CXXC1: variants seen among roughly 807,000 people sequenced by gnomAD.
CXXC1 encodes CXXC finger protein 1, also known as CXXC-type zinc finger protein 1.
In CXXC1, 21 loss-of-function variants were observed where a neutral mutation model predicts 83.6. The observed-to-expected ratio is 0.25, with a 90% CI of 0.18 to 0.36. CXXC1 has a LOEUF of 0.36. Among genes scored for constraint, CXXC1 ranks in the 10% least tolerant of loss-of-function variants. CXXC1 has a pLI of 1.00. For synonymous variants in CXXC1, 371 were observed against 337.5 expected (o/e 1.10, Z -1.09); for missense variants, 688 against 919.5 (o/e 0.75, Z 3.26).
chr18:50,286,528 A>T lies in CXXC1; in HGVS notation c.223+11T>A, dbSNP rs2040717876. Reference sequence around the variant, plus strand: ...CCCCACCTGCCTTCCCTGTCCATCCATGGCCCTCACCTCTGCACTCCCGAC... The same window carrying T: ...CCCCACCTGCCTTCCCTGTCCATCCTTGGCCCTCACCTCTGCACTCCCGAC... On this transcript the variant is annotated intron_variant, in intron 3 of 14. Coordinates refer to ENST00000285106, the MANE Select transcript of CXXC1 (RefSeq NM_014593.4). 1 of 1,611,036 alleles carries T rather than the reference A, an allele frequency of 6.2e-7. No individual in the cohort carries two copies. The highest frequency in any genetic ancestry group is 8.5e-7 in the Non-Finnish European group (1 of 1,177,924).
rs1163062337 is a variant in CXXC1, at chr18:50,284,654, C to T, written c.1020+78G>A. 4 of 1,608,864 alleles carry T rather than the reference C, an allele frequency of 2.5e-6. No homozygotes were observed. The Admixed American group carries it at 6.7e-5, about 27-fold the overall frequency. On this transcript the variant is annotated intron_variant, in intron 8 of 14. Transcript: ENST00000285106. Reference sequence around the variant, plus strand: ...CATTCTAGCCCTTTCTGGCTCTTGCCCCATTCAGCCTCTGACCTCTGCCTC... The same window carrying T: ...CATTCTAGCCCTTTCTGGCTCTTGCTCCATTCAGCCTCTGACCTCTGCCTC...
chr18:50,286,035 G>T lies in CXXC1; in HGVS notation c.446C>A (p.Ala149Asp), dbSNP rs372585515. ...PHKSSPQPLV[A>D]TPSQHHQQQQ... Reference sequence around the variant, plus strand: ...GCAGCCACTCACCTGGCTGGGTGTGGCCACCAAGGGCTGCGGAGAGGATTT... The same window carrying T: ...GCAGCCACTCACCTGGCTGGGTGTGTCCACCAAGGGCTGCGGAGAGGATTT... The change falls in exon 4 of 15, where the codon GCC (alanine) becomes GAC (aspartate). Residue 149 changes from alanine to aspartate, a missense_variant. Transcript: ENST00000285106. 5 of 1,613,590 alleles carry T rather than the reference G, an allele frequency of 3.1e-6. No homozygotes were observed. The African/African-American group carries it at 5.3e-5, about 17-fold the overall frequency.
Position 50,285,750 on chromosome 18 carries a change from C to T in CXXC1, c.638G>A (p.Arg213Gln), listed in dbSNP as rs756163419. 1.9e-6 allele frequency: 3 copies of T among 1,611,976 alleles called. No homozygotes were observed. The highest frequency in any genetic ancestry group is 1.3e-5 in the African/African-American group (1 of 74,952). The change falls in exon 5 of 15, where the codon CGG (arginine) becomes CAG (glutamine). Residue 213 changes from arginine (R) to glutamine (Q), a missense_variant and splice_region_variant. By Grantham distance (43) the Arg-to-Gln change is conservative. Transcript: ENST00000285106. The surrounding 1 kb of genome is among the most constrained non-coding windows in gnomAD (Gnocchi z 4.4). ...CRLRQCQLRA[R>Q]ESYKYFPSSL... ...CTACCCAGCTCTGTCCATGCTCACCCGGGCCCGCAGCTGGCACTGGCGCAG... is the reference window on the plus strand; with the variant it reads ...CTACCCAGCTCTGTCCATGCTCACCTGGGCCCGCAGCTGGCACTGGCGCAG...
rs1217489218 is a variant in CXXC1, at chr18:50,284,418, T to G, written c.1165A>C (p.Lys389Gln). The change falls in exon 9 of 15, where the codon AAG becomes CAG. Residue 389 changes from lysine to glutamine, a missense_variant. Physicochemically the swap from Lys to Gln is moderately conservative, Grantham distance 53. Around this residue, in one of 9 missense-constraint regions of CXXC1, gnomAD observed 100 missense variants for 142.5 expected, o/e 0.70. Transcript: ENST00000285106. The part of the protein sequence containing the change: ...GCVRPAQPSS[K>Q]YCSDDCGMKL... ...ATGCCACAGTCATCTGAGCAATACT[T>G]GGAGCTGGGCTGGGCGGGGCGCACA... 1.3e-6 allele frequency: 2 copies of G among 1,575,616 alleles called. No homozygotes were observed. The highest frequency in any genetic ancestry group is 1.7e-6 in the Non-Finnish European group (2 of 1,163,848).
In CXXC1 at chr18:50,282,666, A is replaced by G. The variant is rs1353765819; in HGVS notation, c.1898T>C (p.Leu633Pro). The change falls in exon 15 of 15, where the codon CTG (leucine) becomes CCG (proline). Residue 633 changes from leucine to proline, a missense_variant. By Grantham distance (98) the Leu-to-Pro change is moderately conservative. Transcript: ENST00000285106. The surrounding 1 kb of genome is among the most constrained non-coding windows in gnomAD (Gnocchi z 5.8). ...GATCGTCTGGTGCAGCATCAGGGCC[A>G]GCAATCCCGCGCGGTTTGTCATGGC... is the stretch of plus-strand genomic sequence containing the variant. The part of the protein sequence containing the change: ...RTAMTNRAGL[L>P]ALMLHQTIQH... The G allele has an allele frequency of 6.2e-7, 1 of 1,613,366 alleles. No homozygotes were observed. Among genetic ancestry groups the G allele is most frequent in the Admixed American group, 1.7e-5 (1 of 60,034 alleles).
In CXXC1 at chr18:50,282,754, G is replaced by T; in HGVS notation, c.1825-15C>A. On this transcript the variant is annotated splice_polypyrimidine_tract_variant and intron_variant, in intron 14 of 14. Transcript: ENST00000285106. The surrounding 1 kb of genome is among the most constrained non-coding windows in gnomAD (Gnocchi z 5.8). ...AGCTTGTACCACTGCCAAGGGAGCGGCAGGAGTCCTAAGCAGGAACACCTG... is the reference window on the plus strand; with the variant it reads ...AGCTTGTACCACTGCCAAGGGAGCGTCAGGAGTCCTAAGCAGGAACACCTG... 1 of 1,613,486 alleles carries T rather than the reference G, an allele frequency of 6.2e-7. No individual in the cohort carries two copies. Among genetic ancestry groups the T allele is most frequent in the African/African-American group, 1.3e-5 (1 of 75,044 alleles).
At chr18:50,283,224 G>T in intron 13 of CXXC1, 41 bp downstream of exon 13, 1 of 1,533,776 alleles carries the variant, frequency 6.5e-7, no homozygotes, top group Non-Finnish European at 9.0e-7. Context: ...AGCGAGGCAG[G>T]GAGGAGGGGC....
chr18:50,286,940 G>A, intron 1 of CXXC1, 82 bp from the exon 2 acceptor site: 1 of 990,318 alleles, frequency 1.0e-6, no homozygotes, highest in South Asian at 1.3e-5. Flanking sequence ...ACCGTGGTCA[G>A]CAGGGATCCC....
At position 50,286,531 on chromosome 18, in the gene CXXC1, G is replaced by T; in HGVS notation, c.223+8C>A. ...CACCTGCCTTCCCTGTCCATCCATG[G>T]CCCTCACCTCTGCACTCCCGACAGT... On this transcript the variant is annotated splice_region_variant and intron_variant, in intron 3 of 14. Coordinates refer to ENST00000285106, the MANE Select transcript of CXXC1 (RefSeq NM_014593.4). 6.2e-7 allele frequency: 1 copy of T among 1,611,670 alleles called. No individual in the cohort carries two copies. The highest frequency in any genetic ancestry group is 1.3e-5 in the African/African-American group (1 of 74,910).
Position 50,284,571 on chromosome 18 carries a change from C to T in CXXC1, c.1021-9G>A. 5 of 1,580,694 alleles carry T rather than the reference C, an allele frequency of 3.2e-6. No individual in the cohort carries two copies. Among genetic ancestry groups the T allele is most frequent in the African/African-American group, 1.3e-5 (1 of 74,354 alleles). ...TTGTATCGCTCCTCCTTCTGTTGAG[C>T]AAGACAAGTCAGGTCAGGGTGGAGT... On this transcript the variant is annotated splice_polypyrimidine_tract_variant and intron_variant, in intron 8 of 14. Transcript: ENST00000285106.
intron 8 of CXXC1, 21 bp downstream of exon 8, chr18:50,284,711 C>G: frequency 6.2e-7 from 1 of 1,611,478 alleles, no homozygotes; most frequent in Non-Finnish European, 8.5e-7. Context: ...CTTTCCACAT[C>G]CACTTTACCC....
In CXXC1 at chr18:50,284,175, G is replaced by A. The variant is rs1357556914; in HGVS notation, c.1206-74C>T. On this transcript the variant is annotated intron_variant, in intron 9 of 14. Transcript: ENST00000285106. ...GAGAATGGCAAAATAGACGCAAATG[G>A]CAAAAGGAGAAGTAAATAGGTGACT... 2.0e-6 allele frequency: 3 copies of A among 1,520,124 alleles called. No individual in the cohort carries two copies. In the Admixed American group the frequency reaches 5.1e-5, roughly 26 times the overall value. 94.2% of individuals were successfully genotyped at this position (1,520,124 alleles called of 1,614,324 possible). A position where few individuals can be genotyped will look rare whatever the true frequency, so the allele number is the denominator to read the frequency against.
At chr18:50,283,396 G>C in intron 12 of CXXC1, 35 bp from the exon 13 acceptor site, 2 of 1,601,380 alleles carry the variant, frequency 1.2e-6, no homozygotes, top group Non-Finnish European at 1.7e-6. Context: ...AGTAGAGGGA[G>C]GGAAGGGAGG....
Position 50,285,933 on chromosome 18 carries a change from A to G in CXXC1, c.460-5T>C. ...CTGCTGCTGCTGCTGGTGATGCTGCAGGAGGGGGCCCAGAACAGAAATCAT... is the reference window on the plus strand; with the variant it reads ...CTGCTGCTGCTGCTGGTGATGCTGCGGGAGGGGGCCCAGAACAGAAATCAT... On this transcript the variant is annotated splice_polypyrimidine_tract_variant and splice_region_variant and intron_variant, in intron 4 of 14. Coordinates refer to ENST00000285106, the MANE Select transcript of CXXC1 (RefSeq NM_014593.4). This position sits in a 1 kb window ranked among gnomAD's most constrained non-coding sequence, Gnocchi z 4.4. The G allele has an allele frequency of 1.9e-6, 3 of 1,613,990 alleles. No homozygotes were observed. Among genetic ancestry groups the G allele is most frequent in the Non-Finnish European group, 2.5e-6 (3 of 1,180,020 alleles).
chr18:50,286,509 C>T (rs372251599), intron 3 of CXXC1, 30 bp downstream of exon 3: 50 of 1,588,634 alleles, frequency 3.1e-5, no homozygotes, highest in Non-Finnish European at 4.2e-5. Flanking sequence ...GAAGCCCCAC[C>T]TGCCTTCCCT....
chr18:50,286,303 T>G (rs1182763440), intron 3 of CXXC1, 46 bp from the exon 4 acceptor site: 10 of 1,512,344 alleles, frequency 6.6e-6, no homozygotes, highest in Non-Finnish European at 9.0e-6. Context: ...ACTGGATGGC[T>G]TGAATGGTCC....
Position 50,282,708 on chromosome 18 carries a change from T to C in CXXC1, c.1856A>G (p.Glu619Gly). The change falls in exon 15 of 15, where the codon GAG becomes GGG. Residue 619 changes from glutamate to glycine, a missense_variant. Physicochemically the swap from Glu to Gly is moderately conservative, Grantham distance 98. Transcript: ENST00000285106. This position sits in a 1 kb window ranked among gnomAD's most constrained non-coding sequence, Gnocchi z 5.8. ...TGTCATGGCTGTGCGCACATTGCGCTCCTGCTCAAACAGCTCGTCCAGCTT... is the reference window on the plus strand; with the variant it reads ...TGTCATGGCTGTGCGCACATTGCGCCCCTGCTCAAACAGCTCGTCCAGCTT... Reference protein sequence around the residue: ...WYKLDELFEQERNVRTAMTNR... With the variant: ...WYKLDELFEQGRNVRTAMTNR... 6.2e-7 allele frequency: 1 copy of C among 1,613,964 alleles called. No homozygotes were observed.
chr18:50,282,830 C>T lies in CXXC1; in HGVS notation c.1824+24G>A. 1 of 1,613,532 alleles carries T rather than the reference C, an allele frequency of 6.2e-7. No individual in the cohort carries two copies. The highest frequency in any genetic ancestry group is 8.5e-7 in the Non-Finnish European group (1 of 1,179,508). On this transcript the variant is annotated intron_variant, in intron 14 of 14. Coordinates refer to ENST00000285106, the MANE Select transcript of CXXC1 (RefSeq NM_014593.4). The surrounding 1 kb of genome is among the most constrained non-coding windows in gnomAD (Gnocchi z 5.8). ...CGACATGGAAACCTACCACATGCAG[C>T]ACCAAAACCGCACAGAAACCTACCA...
Position 50,284,449 on chromosome 18 carries a change from G to A in CXXC1, c.1134C>T (p.Pro378=), listed in dbSNP as rs139416347. Residue 378 remains proline, a synonymous_variant, in exon 9 of 15, where the codon CCC becomes CCT. Coordinates refer to ENST00000285106, the MANE Select transcript of CXXC1 (RefSeq NM_014593.4). Reference sequence around the variant, plus strand: ...TGGGCTGGGCGGGGCGCACACAGCCGGGCCCCAGGCACTGGGGCAGTGACG... The same window carrying A: ...TGGGCTGGGCGGGGCGCACACAGCCAGGCCCCAGGCACTGGGGCAGTGACG... ...DPASLPQCLG[P]GCVRPAQPSS... 1.5e-4 allele frequency: 238 copies of A among 1,603,680 alleles called. No individual in the cohort carries two copies. The highest frequency in any genetic ancestry group is 1.8e-4 in the Non-Finnish European group (209 of 1,175,190).
Sources: gnomAD v4.1 joint callset for allele counts on GRCh38, gnomAD v4.1.1 for gene constraint, gnomAD v4.1.1 regional missense constraint, Gnocchi (gnomAD v3.1) non-coding constraint, MANE v1.5 for transcripts, NCBI Gene and HGNC (gene_info 2026-07-23, HGNC 2026-07-21) for gene names.